DISP1: variants seen among roughly 807,000 people sequenced by gnomAD.
The protein encoded by DISP1 is dispatched RND transporter family member 1, also known as protein dispatched homolog 1.
In DISP1, 30 loss-of-function variants were observed where a neutral mutation model predicts 37.3. The ratio of observed to expected loss-of-function variants is 0.80; its 90% CI spans 0.60 to 1.09. The LOEUF (loss-of-function observed/expected upper bound fraction) is 1.09. Ranked by LOEUF, DISP1 falls within the 50% of genes least tolerant of loss-of-function variation. DISP1 has a pLI of 0.00. For synonymous variants in DISP1, 634 were observed against 690.2 expected (o/e 0.92, Z 1.28); for missense variants, 1,598 against 1,879.5 (o/e 0.85, Z 2.77).
At chr1:222,857,951 A>G (rs1467512098) in intron 1 of DISP1, among the ~76,000 whole-genome samples, 1 of 152,218 alleles carries the variant, frequency 6.6e-6, no homozygotes, top group Non-Finnish European at 1.5e-5. Context: ...GTATGGAACC[A>G]AAAAAGAGGT....
intron 1 of DISP1, among the ~76,000 whole-genome samples, chr1:222,858,389 C>T (rs1668670917): frequency 6.6e-6 from 1 of 152,092 alleles, no homozygotes; most frequent in Admixed American, 6.6e-5. Context: ...AGAAGAAAAT[C>T]TAGGCAATAC....
At chr1:222,873,520 A>G (rs1390647307) in intron 1 of DISP1, among the ~76,000 whole-genome samples, 1 of 151,948 alleles carries the variant, frequency 6.6e-6, no homozygotes, top group African/African-American at 2.4e-5. Flanking sequence ...TCCCTTTACC[A>G]TTATGTAATG....
chr1:222,910,935 CCTT>C (rs1247470694), intron 1 of DISP1, among the ~76,000 whole-genome samples: 1 of 152,166 alleles, frequency 6.6e-6, no homozygotes, highest in African/African-American at 2.4e-5. Flanking sequence ...CTTTTGGAAT[CCTT>C]CTAGTAGGCA....
chr1:222,821,164 CATCTCTT>C (rs1662788895), intron 1 of DISP1, among the ~76,000 whole-genome samples: 1 of 152,108 alleles, frequency 6.6e-6, no homozygotes, highest in Admixed American at 6.5e-5. Flanking sequence ...TTGCAGATTC[CATCTCTT>C]CAAACTGAAG....
At chr1:222,853,932 T>C (rs975435015) in intron 1 of DISP1, among the ~76,000 whole-genome samples, 7 of 152,190 alleles carry the variant, frequency 4.6e-5, no homozygotes, top group Non-Finnish European at 1.0e-4. Context: ...ATGTTAGAGA[T>C]GATGAATATG....
rs901184672 is a variant in DISP1 at position 222,904,818 on chromosome 1, G to T, written c.-158-23612G>T. On this transcript the variant is annotated intron_variant, in intron 1 of 8. Transcript: ENST00000675850. ...CCTGACCTCATGATCTGCCCACCTC[G>T]GTCTCACAAAGTGCTGGGATTATAG... is the stretch of plus-strand genomic sequence containing the variant. Among the ~76,000 whole-genome samples, 3 of 152,014 alleles carry T rather than the reference G, an allele frequency of 2.0e-5. No individual in the cohort carries two copies. In the East Asian group the frequency reaches 5.8e-4, roughly 29 times the overall value.
intron 3 of DISP1, among the ~76,000 whole-genome samples, chr1:222,971,471 G>T (rs1016760344): frequency 6.7e-6 from 1 of 150,320 alleles, no homozygotes; most frequent in Non-Finnish European, 1.5e-5. Context: ...GTATGATACC[G>T]AATAATTCTG....
At chr1:222,883,339 G>T (rs1670383558) in intron 1 of DISP1, among the ~76,000 whole-genome samples, 1 of 152,140 alleles carries the variant, frequency 6.6e-6, no homozygotes, top group Non-Finnish European at 1.5e-5. Flanking sequence ...AATAAAGATG[G>T]CTGGGCACGG....
At chr1:222,879,922 G>A (rs1380721480) in intron 1 of DISP1, among the ~76,000 whole-genome samples, 1 of 151,802 alleles carries the variant, frequency 6.6e-6, no homozygotes, top group East Asian at 1.9e-4. Context: ...GAATATAGAG[G>A]AGCATAACAT....
intron 1 of DISP1, among the ~76,000 whole-genome samples, chr1:222,858,518 G>T (rs549451640): frequency 1.4e-4 from 21 of 152,092 alleles, no homozygotes; most frequent in Non-Finnish European, 2.9e-4. Flanking sequence ...CACAGCAAAA[G>T]AAAGTATCAT....
intron 1 of DISP1, among the ~76,000 whole-genome samples, chr1:222,834,534 G>A (rs561989878): frequency 3.9e-5 from 6 of 152,222 alleles, no homozygotes; most frequent in Admixed American, 1.3e-4. Flanking sequence ...AGGCGTACAC[G>A]AGGTCTTACT....
At chr1:222,824,438 A>G (rs1474690429) in intron 1 of DISP1, among the ~76,000 whole-genome samples, 1 of 152,110 alleles carries the variant, frequency 6.6e-6, no homozygotes, top group Non-Finnish European at 1.5e-5. Context: ...GCTTTTGCTT[A>G]TACACTGTTT....
At chr1:222,905,331 T>A (rs1671835398) in intron 1 of DISP1, among the ~76,000 whole-genome samples, 1 of 152,208 alleles carries the variant, frequency 6.6e-6, no homozygotes. Context: ...TATACAGCTG[T>A]GTGGTAATGT....
chr1:222,996,689 C>T (rs558507573), intron 8 of DISP1, among the ~76,000 whole-genome samples: 3 of 152,016 alleles, frequency 2.0e-5, no homozygotes, highest in African/African-American at 4.8e-5. Flanking sequence ...ACTAAATAGC[C>T]CATTTTTCAG....
chr1:222,997,749 A>C (rs900306328), intron 8 of DISP1, among the ~76,000 whole-genome samples: 1 of 152,218 alleles, frequency 6.6e-6, no homozygotes, highest in African/African-American at 2.4e-5. Context: ...ACATGTTTTT[A>C]GTACATATTT....
At position 222,942,819 on chromosome 1, in the gene DISP1, G is replaced by A; in HGVS notation, c.-5G>A. On this transcript the variant is annotated 5_prime_UTR_variant, in exon 3 of 9. Transcript: ENST00000675850. ...TTTTCTTACTTAGAGTCAAGAAATT[G>A]GAGCATGGCTATGAGCAATGGAAAC... 6.2e-7 allele frequency: 1 copy of A among 1,614,046 alleles called. No homozygotes were observed. The highest frequency in any genetic ancestry group is 8.5e-7 in the Non-Finnish European group (1 of 1,179,996).
Position 222,829,939 on chromosome 1 carries a change from T to G in DISP1, c.-159+14861T>G, listed in dbSNP as rs913345318. Reference sequence around the variant, plus strand: ...TGGGTTAAGGTTAATGTTTTGTGGGTTTTTTTTAGCAGATGGTATTGATTT... The same window carrying G: ...TGGGTTAAGGTTAATGTTTTGTGGGGTTTTTTTAGCAGATGGTATTGATTT... On this transcript the variant is annotated intron_variant, in intron 1 of 8. Transcript: ENST00000675850. 9.2e-5 allele frequency among the ~76,000 whole-genome samples: 14 copies of G among 152,044 alleles called. No homozygotes were observed. The East Asian group carries it at 1.2e-3, about 13-fold the overall frequency.
At chr1:222,868,187 A>G (rs1375662464) in intron 1 of DISP1, among the ~76,000 whole-genome samples, 2 of 152,070 alleles carry the variant, frequency 1.3e-5, no homozygotes, top group African/African-American at 4.8e-5. Flanking sequence ...GTTCGAGTCC[A>G]GCCTGGGCAA....
chr1:222,907,678 G>A (rs750112076), intron 1 of DISP1, among the ~76,000 whole-genome samples: 1 of 152,204 alleles, frequency 6.6e-6, no homozygotes, highest in Non-Finnish European at 1.5e-5. Flanking sequence ...ATGGCCGGGT[G>A]CAGTGGCTCA....
Sources: allele counts gnomAD v4.1 joint callset (sites outside exome capture counted in the v4.1 genomes callset), GRCh38; gene constraint gnomAD v4.1.1; transcripts MANE v1.5; gene names NCBI Gene and HGNC (gene_info 2026-07-23, HGNC 2026-07-21).